Variants in FERRY3 observed in about 807,000 individuals in gnomAD.
FERRY3 encodes FERRY endosomal RAB5 effector complex subunit 3.
At chr12:4,508,050 T>C in the FERRY3 span, among the ~76,000 whole-genome samples, 2 of 152,284 alleles carry the variant, frequency 1.3e-5, no homozygotes, top group South Asian at 2.1e-4. Flanking sequence ...ATATAAACTA[T>C]TTTTTACAAG....
the FERRY3 span, among the ~76,000 whole-genome samples, chr12:4,515,135 A>G: frequency 6.6e-6 from 1 of 152,120 alleles, no homozygotes; most frequent in East Asian, 1.9e-4. Flanking sequence ...AAAACAGCTG[A>G]ATTACTCTGC....
At chr12:4,504,701 T>C in the FERRY3 span, among the ~76,000 whole-genome samples, 1 of 152,300 alleles carries the variant, frequency 6.6e-6, no homozygotes, top group African/African-American at 2.4e-5. Flanking sequence ...AGCTAAGAAA[T>C]AGTGTATAAG....
the FERRY3 span, chr12:4,490,708 CCA>C: frequency 1.4e-6 from 1 of 734,106 alleles, no homozygotes. Context: ...TTTTAGGTAG[CCA>C]TTTGCTCGTA....
At chr12:4,500,501 T>C in the FERRY3 span, among the ~76,000 whole-genome samples, 671 of 152,248 alleles carry the variant, frequency 4.4e-3, 2 homozygotes, top group Admixed American at 6.6e-3. Context: ...TTACTGCTCT[T>C]CAATTCTCAG....
chr12:4,510,674 A>C, the FERRY3 span, among the ~76,000 whole-genome samples: 5 of 150,842 alleles, frequency 3.3e-5, no homozygotes, highest in African/African-American at 1.2e-4. Context: ...GAAATAAAAT[A>C]CTTTACAGAC....
the FERRY3 span, among the ~76,000 whole-genome samples, chr12:4,498,348 A>G: frequency 2.6e-5 from 4 of 152,232 alleles, no homozygotes; most frequent in African/African-American, 7.2e-5. Flanking sequence ...ACCCTTTTAT[A>G]GATAGACTAG....
At chr12:4,525,387 A>G in the FERRY3 span, 1 of 1,612,218 alleles carries the variant, frequency 6.2e-7, no homozygotes, top group Non-Finnish European at 8.5e-7. Flanking sequence ...TAAAAGAAAC[A>G]GTATACCAAC....
the FERRY3 span, among the ~76,000 whole-genome samples, chr12:4,506,053 TAAATA>T: frequency 2.6e-5 from 4 of 152,104 alleles, no homozygotes. Context: ...CTTAGAAGAA[TAAATA>T]AAATAAACAT....
At chr12:4,511,023 C>T in the FERRY3 span, among the ~76,000 whole-genome samples, 1 of 149,304 alleles carries the variant, frequency 6.7e-6, no homozygotes, top group Non-Finnish European at 1.5e-5. Context: ...CACATAGGCT[C>T]AAAATAAAAG....
chr12:4,524,415 A>T, the FERRY3 span, among the ~76,000 whole-genome samples: 3 of 151,988 alleles, frequency 2.0e-5, no homozygotes, highest in Non-Finnish European at 4.4e-5. Flanking sequence ...ACAATAACCT[A>T]TCCATCTGTC....
chr12:4,536,658 G>A, the FERRY3 span, among the ~76,000 whole-genome samples: 3 of 152,114 alleles, frequency 2.0e-5, no homozygotes, highest in East Asian at 1.9e-4. Context: ...CATGAGATCC[G>A]ACTGGGGGAA....
At chr12:4,519,892 G>A in the FERRY3 span, among the ~76,000 whole-genome samples, 1 of 152,190 alleles carries the variant, frequency 6.6e-6, no homozygotes, top group African/African-American at 2.4e-5. This position sits in a 1 kb window ranked among gnomAD's most constrained non-coding sequence, Gnocchi z 4.3. Context: ...ACTGTCTTCT[G>A]TGAAACTGGT....
chr12:4,496,881 G>A, the FERRY3 span, among the ~76,000 whole-genome samples: 6 of 152,158 alleles, frequency 3.9e-5, no homozygotes, highest in African/African-American at 1.4e-4. Context: ...AAGTTTCACA[G>A]TCCTTAGCAG....
the FERRY3 span, among the ~76,000 whole-genome samples, chr12:4,521,827 A>G: frequency 4.6e-5 from 7 of 152,200 alleles, no homozygotes; most frequent in Admixed American, 4.6e-4. Context: ...CTAAAACAAT[A>G]AAACTTCTAG....
the FERRY3 span, among the ~76,000 whole-genome samples, chr12:4,528,341 CCTAATT>C: frequency 6.6e-6 from 1 of 152,038 alleles, no homozygotes; most frequent in Non-Finnish European, 1.5e-5. Context: ...TTTTTAAAAA[CCTAATT>C]CTATATTTTG....
At chr12:4,518,720 A>C in the FERRY3 span, 98 of 1,006,412 alleles carry the variant, frequency 9.7e-5, 2 homozygotes, top group South Asian at 1.1e-3. Flanking sequence ...ATAATTAAAA[A>C]ATAGTTTCAG....
At chr12:4,509,733 C>T in the FERRY3 span, among the ~76,000 whole-genome samples, 1 of 141,572 alleles carries the variant, frequency 7.1e-6, no homozygotes, top group Non-Finnish European at 1.5e-5. Context: ...ACATCCACAC[C>T]AAAAACCCAT....
the FERRY3 span, among the ~76,000 whole-genome samples, chr12:4,515,186 A>C: frequency 1.3e-5 from 2 of 152,196 alleles, no homozygotes; most frequent in Non-Finnish European, 2.9e-5. Context: ...CCTTCCCTTA[A>C]TCCTCTTCCT....
the FERRY3 span, chr12:4,530,109 T>A: frequency 6.7e-7 from 1 of 1,485,906 alleles, no homozygotes; most frequent in Non-Finnish European, 9.1e-7. Context: ...TTTAACACAC[T>A]ACTAGAAAAG....
Sources: allele counts gnomAD v4.1 joint callset (sites outside exome capture counted in the v4.1 genomes callset), GRCh38; gene constraint gnomAD v4.1.1; non-coding constraint Gnocchi (gnomAD v3.1); transcripts MANE v1.5; gene names NCBI Gene and HGNC (gene_info 2026-07-23, HGNC 2026-07-21).